The following PSD3 variants were observed in gnomAD, a reference collection of about 807,000 sequenced individuals.
The protein encoded by PSD3 is PH and SEC7 domain-containing protein 3.
Under a neutral mutation model 105.5 loss-of-function variants are expected in PSD3, and 49 were observed. The ratio of observed to expected loss-of-function variants is 0.46; its 90% CI spans 0.37 to 0.59. The LOEUF (loss-of-function observed/expected upper bound fraction) is 0.59, where lower values mean the gene tolerates loss of function less well. Among genes scored for constraint, PSD3 ranks in the 20% least tolerant of loss-of-function variants. The probability of loss-of-function intolerance (pLI) is 0.00; values close to 1 mark genes in which losing one functional copy is unlikely to be tolerated. For missense variants in PSD3, 1,561 were observed against 1,263.8 expected (o/e 1.24, Z -3.57); for synonymous variants, 557 against 457.8 (o/e 1.22, Z -2.77).
intron 1 of PSD3, among the ~76,000 whole-genome samples, chr8:19,072,064 T>C (rs1829283825): frequency 6.6e-6 from 1 of 151,698 alleles, no homozygotes; most frequent in Admixed American, 6.6e-5. Flanking sequence ...ACTTCACTCT[T>C]CCAACTCTAC....
chr8:19,082,300 C>T (rs1009237335), intron 1 of PSD3, among the ~76,000 whole-genome samples: 4 of 152,202 alleles, frequency 2.6e-5, no homozygotes, highest in Non-Finnish European at 4.4e-5. Flanking sequence ...CCTCTGACTC[C>T]ATGGGTTCCC....
At chr8:18,717,232 A>G (rs941415444) in intron 9 of PSD3, among the ~76,000 whole-genome samples, 1 of 151,578 alleles carries the variant, frequency 6.6e-6, no homozygotes, top group Non-Finnish European at 1.5e-5. Context: ...GTTTATTTTA[A>G]TTTTTTTTTC....
intron 1 of PSD3, among the ~76,000 whole-genome samples, chr8:18,984,711 T>A (rs2059646): frequency 0.42 from 64,565 of 152,006 alleles, 14,835 homozygotes; most frequent in Non-Finnish European, 0.53. Flanking sequence ...ATTTGAAATT[T>A]TCCAAATAAT....
chr8:18,865,276 ATATATATATATTTTTTTTTT>A (rs1816830521), intron 4 of PSD3: 1 of 2,054 alleles, frequency 4.9e-4, no homozygotes, highest in African/African-American at 1.9e-3. Flanking sequence ...ATATATATAT[ATATATATATATTTTTTTTTT>A]TTTTTTTTTT....
intron 11 of PSD3, among the ~76,000 whole-genome samples, chr8:18,616,495 A>T (rs1805675119): frequency 1.3e-5 from 2 of 152,160 alleles, no homozygotes; most frequent in South Asian, 4.1e-4. Flanking sequence ...GACATCTTTA[A>T]GGGTCTGAAA....
At chr8:18,950,495 C>T (rs535421636) in intron 1 of PSD3, among the ~76,000 whole-genome samples, 1 of 152,254 alleles carries the variant, frequency 6.6e-6, no homozygotes, top group Admixed American at 6.5e-5. Context: ...TTCCTCTTGT[C>T]CAACTGAGGC....
chr8:18,593,081 A>C (rs1376232375), intron 12 of PSD3, among the ~76,000 whole-genome samples: 1 of 152,220 alleles, frequency 6.6e-6, no homozygotes, highest in Non-Finnish European at 1.5e-5. Flanking sequence ...TTCATGTCTA[A>C]AACACCAAAA....
rs137942376 is a variant in PSD3 at position 18,604,174 on chromosome 8, A to G, written c.2411-3740T>C. Among the ~76,000 whole-genome samples the G allele has an allele frequency of 4.1e-4, 63 of 152,360 alleles. No individual in the cohort carries two copies. In the East Asian group the frequency reaches 0.012, roughly 28 times the overall value. ...TTTGGAAATTCCCAGAGACTGGATG[A>G]ATGGTTATGACCAAAATGCTGGCAG... On this transcript the variant is annotated intron_variant, in intron 11 of 15. Transcript: ENST00000327040.
intron 2 of PSD3, among the ~76,000 whole-genome samples, chr8:18,899,656 G>A (rs192323735): frequency 6.6e-6 from 1 of 151,936 alleles, no homozygotes; most frequent in Non-Finnish European, 1.5e-5. Context: ...GGTGGCTAAG[G>A]GTATTGTCCT....
intron 2 of PSD3, among the ~76,000 whole-genome samples, chr8:18,889,721 T>C (rs1818664048): frequency 6.6e-6 from 1 of 152,170 alleles, no homozygotes; most frequent in Non-Finnish European, 1.5e-5. Flanking sequence ...TCTGTAAGCA[T>C]AAACCTCTTT....
chr8:18,929,493 G>A (rs548817741), intron 2 of PSD3, among the ~76,000 whole-genome samples: 1 of 152,184 alleles, frequency 6.6e-6, no homozygotes, highest in African/African-American at 2.4e-5. Flanking sequence ...CCAACCCAGA[G>A]GCTTGCCTGC....
chr8:18,948,640 A>C (rs1291275317), intron 1 of PSD3, among the ~76,000 whole-genome samples: 1 of 152,200 alleles, frequency 6.6e-6, no homozygotes, highest in Non-Finnish European at 1.5e-5. Flanking sequence ...AAAGCCTTGA[A>C]ACCTTGGAAA....
At chr8:18,851,039 G>C (rs1344654522) in intron 4 of PSD3, among the ~76,000 whole-genome samples, 1 of 152,196 alleles carries the variant, frequency 6.6e-6, no homozygotes, top group Admixed American at 6.5e-5. Flanking sequence ...AGCTACAACT[G>C]TTCCTTGGCC....
chr8:18,785,164 C>G (rs1446117311), intron 8 of PSD3, among the ~76,000 whole-genome samples: 1 of 152,104 alleles, frequency 6.6e-6, no homozygotes, highest in Admixed American at 6.5e-5. Context: ...GAGACCAAAT[C>G]TGTATTTCTT....
chr8:18,971,820 C>A (rs772745013), intron 1 of PSD3, among the ~76,000 whole-genome samples: 23 of 151,966 alleles, frequency 1.5e-4, no homozygotes, highest in Non-Finnish European at 3.1e-4. Context: ...GCCTGGCCAA[C>A]ACAGTGAAAC....
intron 10 of PSD3, among the ~76,000 whole-genome samples, chr8:18,645,586 GT>G (rs1807972365): frequency 6.6e-6 from 1 of 152,128 alleles, no homozygotes; most frequent in African/African-American, 2.4e-5. Context: ...AGATTGTCTT[GT>G]AAGTTTGTTA....
chr8:18,653,672 C>T (rs116823190), intron 10 of PSD3, among the ~76,000 whole-genome samples: 288 of 152,184 alleles, frequency 1.9e-3, no homozygotes, highest in African/African-American at 5.8e-3. Context: ...GGTAAACTCC[C>T]GCCCCTCCAC....
At chr8:18,682,584 G>GA (rs879715570) in intron 9 of PSD3, among the ~76,000 whole-genome samples, 73 of 152,242 alleles carry the variant, frequency 4.8e-4, no homozygotes, top group African/African-American at 1.7e-3. Context: ...CAGATTTGAA[G>GA]ACTTACTGGA....
At chr8:18,558,560 C>T (rs1208396176) in intron 14 of PSD3, among the ~76,000 whole-genome samples, 2 of 152,166 alleles carry the variant, frequency 1.3e-5, no homozygotes, top group African/African-American at 2.4e-5. Context: ...GGGTGCCTCA[C>T]GCCTGTAATC....
Sources: allele counts gnomAD v4.1 joint callset (sites outside exome capture counted in the v4.1 genomes callset), GRCh38; gene constraint gnomAD v4.1.1; transcripts MANE v1.5; gene names NCBI Gene and HGNC (gene_info 2026-07-23, HGNC 2026-07-21).